The following CDK14 variants were observed in gnomAD, a reference collection of about 807,000 sequenced individuals.
CDK14 encodes the protein cyclin-dependent kinase 14.
Under a neutral mutation model 60.7 loss-of-function variants are expected in CDK14, and 34 were observed. The ratio of observed to expected loss-of-function variants is 0.56; its 90% CI spans 0.43 to 0.75. The LOEUF (loss-of-function observed/expected upper bound fraction) is 0.75, where lower values mean the gene tolerates loss of function less well. Among genes scored for constraint, CDK14 ranks in the 30% least tolerant of loss-of-function variants. CDK14 has a pLI of 0.00. For synonymous variants in CDK14, 197 were observed against 203.7 expected, an observed-to-expected ratio of 0.97 and a Z score of 0.28; for missense variants, 482 against 564.1, an observed-to-expected ratio of 0.85 and a Z score of 1.47.
In CDK14 at chr7:90,653,630, C is replaced by T. The variant is rs114979339; in HGVS notation, c.123+49381C>T. On this transcript the variant is annotated intron_variant, in intron 2 of 14. Coordinates refer to ENST00000380050, the MANE Select transcript of CDK14 (RefSeq NM_001287135.2). ...CCAATTTGAGTGTTTTATGGATTTC[C>T]TGCTGAGGCAGATTGGTATGCAGAA... 7.0e-3 allele frequency among the ~76,000 whole-genome samples: 1,058 copies of T among 152,158 alleles called. 22 individuals are homozygous for T. The highest frequency in any genetic ancestry group is 0.024 in the African/African-American group (1,013 of 41,520).
At chr7:90,683,221 T>C (rs34201166) in intron 2 of CDK14, among the ~76,000 whole-genome samples, 30,928 of 152,122 alleles carry the variant, frequency 0.2, 3,964 homozygotes, top group Middle Eastern at 0.3. Flanking sequence ...ATATTTTCTT[T>C]CTTTCTTTAT....
chr7:90,790,801 A>G, intron 5 of CDK14, 149 bp downstream of exon 5: 1 of 539,278 alleles, frequency 1.9e-6, no homozygotes, highest in Non-Finnish European at 3.4e-6. Context: ...AAAAATCAGT[A>G]TCTCTTGCAG....
intron 2 of CDK14, among the ~76,000 whole-genome samples, chr7:90,674,254 A>T (rs1441843909): frequency 6.6e-6 from 1 of 152,214 alleles, no homozygotes; most frequent in African/African-American, 2.4e-5. Flanking sequence ...AATTACTGGG[A>T]TAGGAGTCAA....
At chr7:90,644,011 A>C (rs1186789632) in intron 2 of CDK14, among the ~76,000 whole-genome samples, 2 of 152,202 alleles carry the variant, frequency 1.3e-5, no homozygotes, top group Non-Finnish European at 2.9e-5. Context: ...GAAGTAGTTA[A>C]AATTAAATGA....
chr7:91,073,784 C>A (rs1798220504), intron 11 of CDK14, among the ~76,000 whole-genome samples: 1 of 11,440 alleles, frequency 8.7e-5, no homozygotes. Context: ...ACACATGGGC[C>A]AAAATAAGGG....
Position 91,092,061 on chromosome 7 carries a change from T to C in CDK14, c.1154+12581T>C, listed in dbSNP as rs1248175308. On this transcript the variant is annotated intron_variant, in intron 12 of 14. Coordinates refer to ENST00000380050, the MANE Select transcript of CDK14 (RefSeq NM_001287135.2). The stretch of plus-strand genomic sequence containing the variant: ...CCTATTTATTTGTCTTTCTTTTATT[T>C]CAGTTATAAAGGTGAAAATGCTGAT... Among the ~76,000 whole-genome samples, 3 of 152,294 alleles carry C rather than the reference T, an allele frequency of 2.0e-5. No individual in the cohort carries two copies. The East Asian group carries it at 5.8e-4, about 29-fold the overall frequency.
At chr7:90,867,746 T>G (rs1791235214) in intron 6 of CDK14, among the ~76,000 whole-genome samples, 2 of 152,170 alleles carry the variant, frequency 1.3e-5, no homozygotes, top group South Asian at 4.1e-4. Context: ...CACACCATAG[T>G]GCACATGGTT....
At chr7:91,078,598 C>G (rs989588662) in intron 11 of CDK14, among the ~76,000 whole-genome samples, 4 of 151,806 alleles carry the variant, frequency 2.6e-5, no homozygotes, top group Non-Finnish European at 5.9e-5. Flanking sequence ...CAGAGCAAGG[C>G]TCTGTCTGAA....
intron 8 of CDK14, among the ~76,000 whole-genome samples, chr7:90,948,702 A>G (rs539640484): frequency 1.3e-5 from 2 of 152,378 alleles, no homozygotes; most frequent in East Asian, 1.9e-4. Context: ...ATTTAATTAC[A>G]AAGACAAATG....
At chr7:91,147,160 T>A (rs867262226) in intron 14 of CDK14, among the ~76,000 whole-genome samples, 4 of 107,680 alleles carry the variant, frequency 3.7e-5, no homozygotes, top group South Asian at 3.3e-4. Flanking sequence ...TCTCTCTCTC[T>A]CTCACACACA....
At chr7:90,703,185 A>C (rs1157204399) in intron 2 of CDK14, among the ~76,000 whole-genome samples, 3 of 152,044 alleles carry the variant, frequency 2.0e-5, no homozygotes, top group Non-Finnish European at 4.4e-5. Flanking sequence ...TCTCAGTGCC[A>C]TTTGCCTTTC....
At chr7:90,806,832 G>A (rs189338941) in intron 5 of CDK14, among the ~76,000 whole-genome samples, 6 of 152,334 alleles carry the variant, frequency 3.9e-5, no homozygotes, top group East Asian at 1.9e-4. Context: ...CCCGTGCCTG[G>A]CTCTGAGGGT....
At chr7:90,820,706 G>T (rs532770580) in intron 5 of CDK14, among the ~76,000 whole-genome samples, 12 of 152,108 alleles carry the variant, frequency 7.9e-5, no homozygotes, top group Non-Finnish European at 1.2e-4. Flanking sequence ...GGAACAAGTT[G>T]TCACCTCTTT....
intron 5 of CDK14, among the ~76,000 whole-genome samples, chr7:90,846,461 G>C (rs369406452): frequency 3.9e-5 from 6 of 152,192 alleles, no homozygotes; most frequent in African/African-American, 1.4e-4. Flanking sequence ...ACATGTTCTT[G>C]GCTAGCTTCA....
chr7:90,985,069 A>G (rs917393725), intron 10 of CDK14, among the ~76,000 whole-genome samples: 6 of 152,210 alleles, frequency 3.9e-5, no homozygotes, highest in Admixed American at 2.0e-4. Context: ...CAGTTGTACC[A>G]TATTATGTAA....
At chr7:90,957,784 A>G (rs1794474960) in intron 9 of CDK14, among the ~76,000 whole-genome samples, 2 of 151,946 alleles carry the variant, frequency 1.3e-5, no homozygotes, top group South Asian at 4.2e-4. Context: ...TGCCCAAGGT[A>G]ATTTACAGAT....
At chr7:91,001,590 A>G (rs73229186) in intron 10 of CDK14, among the ~76,000 whole-genome samples, 8,910 of 152,264 alleles carry the variant, frequency 0.059, 394 homozygotes, top group South Asian at 0.094. Flanking sequence ...ACTTTTTTCA[A>G]ATATGAATAT....
At chr7:91,069,759 A>G (rs1460929950) in intron 11 of CDK14, among the ~76,000 whole-genome samples, 1 of 152,214 alleles carries the variant, frequency 6.6e-6, no homozygotes, top group East Asian at 1.9e-4. Flanking sequence ...TTTTAATAGG[A>G]CACAATCAGA....
chr7:91,083,279 A>G (rs1480688309), intron 12 of CDK14, among the ~76,000 whole-genome samples: 1 of 152,182 alleles, frequency 6.6e-6, no homozygotes, highest in Non-Finnish European at 1.5e-5. Context: ...ACTCTAAAGC[A>G]GACACTAAAG....
Sources: allele counts gnomAD v4.1 joint callset (sites outside exome capture counted in the v4.1 genomes callset), GRCh38; gene constraint gnomAD v4.1.1; transcripts MANE v1.5; gene names NCBI Gene and HGNC (gene_info 2026-07-23, HGNC 2026-07-21).